Variants in ESR1 observed in about 807,000 individuals in gnomAD.
ESR1 encodes the protein estrogen receptor.
A neutral mutation model predicts 52.7 loss-of-function variants in ESR1; 12 were observed. That is an observed-to-expected ratio of 0.23 (90% CI 0.15 to 0.37). The LOEUF is 0.37. Among genes scored for constraint, ESR1 ranks in the 10% least tolerant of loss-of-function variants. The pLI, the probability that ESR1 is intolerant of heterozygous loss-of-function variation, is 1.00. For synonymous variants in ESR1, 305 were observed against 316.8 expected (o/e 0.96, Z 0.39); for missense variants, 584 against 779.7 (o/e 0.75, Z 2.99).
At chr6:152,005,986 T>C (rs2042299301) in intron 4 of ESR1, among the ~76,000 whole-genome samples, 1 of 151,852 alleles carries the variant, frequency 6.6e-6, no homozygotes, top group African/African-American at 2.4e-5. Flanking sequence ...CATAAGAGCA[T>C]TGGATAGGTG....
chr6:151,707,797 T>A (rs1780297089), intron 2 of ESR1, among the ~76,000 whole-genome samples: 1 of 152,136 alleles, frequency 6.6e-6, no homozygotes, highest in Admixed American at 6.5e-5. Flanking sequence ...TTTTTCAAAA[T>A]CCCATCTAGA....
At chr6:151,981,579 A>G (rs1315612816) in intron 4 of ESR1, among the ~76,000 whole-genome samples, 1 of 152,218 alleles carries the variant, frequency 6.6e-6, no homozygotes, top group Non-Finnish European at 1.5e-5. Flanking sequence ...ATTTAAACAT[A>G]AGGCATTGTT....
At chr6:151,997,387 T>A (rs2128732379) in intron 4 of ESR1, among the ~76,000 whole-genome samples, 1 of 152,266 alleles carries the variant, frequency 6.6e-6, no homozygotes, top group Non-Finnish European at 1.5e-5. Context: ...CTTGTAATCT[T>A]TTTGTGGCAA....
At chr6:151,939,603 C>G (rs931718007) in intron 3 of ESR1, among the ~76,000 whole-genome samples, 1 of 150,860 alleles carries the variant, frequency 6.6e-6, no homozygotes, top group Non-Finnish European at 1.5e-5. Flanking sequence ...TTTTTTTTAC[C>G]TTCTTCCACT....
intron 3 of ESR1, among the ~76,000 whole-genome samples, chr6:151,943,755 T>C (rs567235207): frequency 6.6e-6 from 1 of 152,366 alleles, no homozygotes; most frequent in South Asian, 2.1e-4. Flanking sequence ...CTAAATTCTA[T>C]TTTAAGAATA....
At chr6:151,682,688 A>G (rs1183682158) in intron 1 of ESR1, among the ~76,000 whole-genome samples, 1 of 152,202 alleles carries the variant, frequency 6.6e-6, no homozygotes, top group Non-Finnish European at 1.5e-5. Context: ...GCAGTGGTAA[A>G]CCCATTCCTT....
At chr6:151,943,227 A>C (rs963780881) in intron 3 of ESR1, among the ~76,000 whole-genome samples, 1 of 152,082 alleles carries the variant, frequency 6.6e-6, no homozygotes, top group Admixed American at 6.6e-5. Flanking sequence ...AAAAATACAA[A>C]AAATTAGCCG....
At chr6:151,728,846 G>A (rs550213255) in intron 2 of ESR1, among the ~76,000 whole-genome samples, 2 of 152,278 alleles carry the variant, frequency 1.3e-5, no homozygotes, top group East Asian at 3.9e-4. Context: ...TGATTTTAAT[G>A]GACATAGATT....
chr6:152,053,467 C>A lies in ESR1; in HGVS notation c.1236-7524C>A, dbSNP rs561032449. On this transcript the variant is annotated intron_variant, in intron 5 of 7. Transcript: ENST00000206249. This position sits in a 1 kb window ranked among gnomAD's most constrained non-coding sequence, Gnocchi z 4.1. ...CTCCCTCAGTCTCTCTTTCTCTTTCCCTCTCTCTCAATCTTTCTCTTCCTC... is the reference window on the plus strand; with the variant it reads ...CTCCCTCAGTCTCTCTTTCTCTTTCACTCTCTCTCAATCTTTCTCTTCCTC... 1.0e-3 allele frequency among the ~76,000 whole-genome samples: 151 copies of A among 151,350 alleles called. 2 individuals are homozygous for A. Among genetic ancestry groups the A allele is most frequent in the African/African-American group, 3.6e-3 (148 of 41,240 alleles).
chr6:151,850,717 C>T (rs779570408), intron 2 of ESR1, among the ~76,000 whole-genome samples: 3 of 152,050 alleles, frequency 2.0e-5, no homozygotes, highest in Non-Finnish European at 4.4e-5. Context: ...CTCCGGCATC[C>T]GTACTTCAAA....
At chr6:151,719,312 G>C (rs907499594) in intron 2 of ESR1, among the ~76,000 whole-genome samples, 6 of 152,070 alleles carry the variant, frequency 3.9e-5, no homozygotes, top group Non-Finnish European at 5.9e-5. Flanking sequence ...AGCAAAGGTC[G>C]AGCCAGGTAA....
At chr6:151,926,410 G>C (rs1337267215) in intron 3 of ESR1, among the ~76,000 whole-genome samples, 3 of 151,938 alleles carry the variant, frequency 2.0e-5, no homozygotes, top group Non-Finnish European at 4.4e-5. Flanking sequence ...AGATTACTCT[G>C]AATCTGTTAA....
intron 1 of ESR1, among the ~76,000 whole-genome samples, chr6:151,674,322 G>A (rs1440580239): frequency 1.3e-5 from 2 of 152,064 alleles, no homozygotes; most frequent in Admixed American, 6.6e-5. Context: ...GAGAATGACG[G>A]TTTCCAGCTT....
At chr6:152,043,138 G>A (rs2982732) in intron 5 of ESR1, among the ~76,000 whole-genome samples, 63,533 of 151,964 alleles carry the variant, frequency 0.42, 14,745 homozygotes, top group African/African-American at 0.61. Context: ...CACCATCCCA[G>A]TCTCCATAAG....
At chr6:152,074,795 T>C (rs1278691740) in intron 6 of ESR1, among the ~76,000 whole-genome samples, 2 of 152,224 alleles carry the variant, frequency 1.3e-5, no homozygotes, top group Admixed American at 1.3e-4. Flanking sequence ...AACAGGTGTA[T>C]TGTGGTATCT....
intron 2 of ESR1, among the ~76,000 whole-genome samples, chr6:151,774,477 A>G (rs1785786139): frequency 6.6e-6 from 1 of 152,226 alleles, no homozygotes; most frequent in East Asian, 1.9e-4. Context: ...TTAGTCATGG[A>G]TGGTTAGTGG....
chr6:151,756,392 C>T (rs952150001), intron 2 of ESR1, among the ~76,000 whole-genome samples: 3 of 152,004 alleles, frequency 2.0e-5, no homozygotes, highest in South Asian at 2.1e-4. Flanking sequence ...GGATTAGAGG[C>T]GCGTGCCACC....
intron 5 of ESR1, among the ~76,000 whole-genome samples, chr6:152,040,131 G>A (rs1432575541): frequency 6.6e-6 from 1 of 152,188 alleles, no homozygotes; most frequent in African/African-American, 2.4e-5. Flanking sequence ...TCACCCCGAG[G>A]AATGGTGCCA....
At chr6:152,010,224 C>G (rs1471715637) in intron 4 of ESR1, among the ~76,000 whole-genome samples, 2 of 151,966 alleles carry the variant, frequency 1.3e-5, no homozygotes, top group African/African-American at 4.8e-5. Context: ...TGATAAGCTA[C>G]CTGTTTAATG....
Sources: allele counts gnomAD v4.1 joint callset (sites outside exome capture counted in the v4.1 genomes callset), GRCh38; gene constraint gnomAD v4.1.1; non-coding constraint Gnocchi (gnomAD v3.1); transcripts MANE v1.5; gene names NCBI Gene and HGNC (gene_info 2026-07-23, HGNC 2026-07-21).